Variants in TPRG1 observed in about 807,000 individuals in gnomAD.
TPRG1 encodes the protein tumor protein p63-regulated gene 1 protein.
Under a neutral mutation model 29.3 loss-of-function variants are expected in TPRG1, and 29 were observed. The observed-to-expected ratio is 0.99, with a 90% CI of 0.74 to 1.35. The LOEUF (loss-of-function observed/expected upper bound fraction) is 1.35. Among genes scored for constraint, TPRG1 ranks in the 40% most tolerant of loss-of-function variants. The pLI is 0.00. For synonymous variants in TPRG1, 130 were observed against 116.8 expected (o/e 1.11, Z -0.73); for missense variants, 327 against 335.0 (o/e 0.98, Z 0.19).
chr3:189,104,495 A>C (rs1010970410), intron 1 of TPRG1, among the ~76,000 whole-genome samples: 1 of 152,126 alleles, frequency 6.6e-6, no homozygotes, highest in Non-Finnish European at 1.5e-5. Flanking sequence ...TTAAGTCAAC[A>C]TAAATATTAG....
chr3:189,187,125 C>CA (rs1731040608), intron 1 of TPRG1, among the ~76,000 whole-genome samples: 1 of 150,166 alleles, frequency 6.7e-6, no homozygotes, highest in Non-Finnish European at 1.5e-5. Context: ...TAGCTGGGAT[C>CA]ACAGATTCGC....
intron 4 of TPRG1, among the ~76,000 whole-genome samples, chr3:189,091,400 C>G (rs1296290418): frequency 6.6e-6 from 1 of 152,032 alleles, no homozygotes. Context: ...CACTTAATTA[C>G]CACCACAATT....
At chr3:189,309,704 C>T (rs1722177684) in intron 4 of TPRG1, among the ~76,000 whole-genome samples, 1 of 152,178 alleles carries the variant, frequency 6.6e-6, no homozygotes, top group Non-Finnish European at 1.5e-5. Flanking sequence ...TTAGGTTTAC[C>T]AAATGACCAG....
chr3:189,019,370 G>C (rs1023110842), intron 3 of TPRG1, among the ~76,000 whole-genome samples: 1 of 152,190 alleles, frequency 6.6e-6, no homozygotes, highest in African/African-American at 2.4e-5. Context: ...CCGTGGGTTT[G>C]TCGTAGATAG....
intron 4 of TPRG1, among the ~76,000 whole-genome samples, chr3:189,032,772 A>G (rs1427423710): frequency 9.6e-6 from 1 of 104,290 alleles, no homozygotes; most frequent in Non-Finnish European, 1.8e-5. Flanking sequence ...AACAGTCCCC[A>G]GAGTGTGATG....
chr3:189,206,012 T>TTTCCTTCCTTCCTTCTTTCCTTCCTTCC, intron 1 of TPRG1, among the ~76,000 whole-genome samples: 2 of 125,740 alleles, frequency 1.6e-5, no homozygotes, highest in South Asian at 6.0e-4. Flanking sequence ...TGCAGGTACA[T>TTTCCTTCCTTCCTTCTTTCCTTCCTTCC]TTCCTTCCTT....
rs756043773 is a variant in TPRG1, at chr3:189,215,369, C to A, written c.288C>A (p.Phe96Leu). Residue 96 changes from phenylalanine to leucine, a missense_variant, in exon 3 of 6, where the codon TTC becomes TTA. By Grantham distance (22) the Phe-to-Leu change is conservative. Coordinates refer to ENST00000345063, the MANE Select transcript of TPRG1 (RefSeq NM_198485.4). The part of the protein sequence containing the change: ...AETSGETIQG[F>L]WLLTKIDHWN... Reference sequence around the variant, plus strand: ...CTTCTGGAGAGACCATTCAAGGCTTCTGGCTCTTGACAAAGTGAGTAGTCA... The same window carrying A: ...CTTCTGGAGAGACCATTCAAGGCTTATGGCTCTTGACAAAGTGAGTAGTCA... 1 of 1,611,610 alleles carries A rather than the reference C, an allele frequency of 6.2e-7. No homozygotes were observed. Among genetic ancestry groups the A allele is most frequent in the Non-Finnish European group, 8.5e-7 (1 of 1,179,018 alleles).
At chr3:189,291,700 C>A (rs1182103841) in intron 4 of TPRG1, among the ~76,000 whole-genome samples, 4 of 152,174 alleles carry the variant, frequency 2.6e-5, no homozygotes, top group African/African-American at 9.7e-5. Flanking sequence ...AGTGATCTTG[C>A]CAACTATGTT....
Position 189,207,477 on chromosome 3 carries a change from G to A in TPRG1, c.93G>A (p.Met31Ile), listed in dbSNP as rs1734574230. ...CCTCTGAGACTGACCACCTATCGAT[G>A]GAGGAAGAGGACCCGATGCCAAGAC... ...DQPSETDHLSMEEEDPMPRQI... is the reference protein window; with the variant it reads ...DQPSETDHLSIEEEDPMPRQI... The change falls in exon 2 of 6, where the codon ATG becomes ATA. Residue 31 changes from methionine (M) to isoleucine (I), a missense_variant. Physicochemically the swap from Met to Ile is conservative, Grantham distance 10 (BLOSUM62 1). Coordinates refer to ENST00000345063, the MANE Select transcript of TPRG1 (RefSeq NM_198485.4). 6.2e-7 allele frequency: 1 copy of A among 1,613,908 alleles called. No homozygotes were observed.
chr3:189,140,397 G>A (rs1484008190), intron 3 of TPRG1, among the ~76,000 whole-genome samples: 8 of 152,228 alleles, frequency 5.3e-5, no homozygotes, highest in African/African-American at 1.9e-4. Flanking sequence ...TGGACGAAGT[G>A]TACCCTCACA....
chr3:189,223,363 A>G (rs114558792), intron 3 of TPRG1, among the ~76,000 whole-genome samples: 1,966 of 152,326 alleles, frequency 0.013, 42 homozygotes, highest in African/African-American at 0.045. Context: ...TCAAGATGTT[A>G]ATGACCTGTG....
chr3:189,059,501 A>G (rs975542429), intron 4 of TPRG1, among the ~76,000 whole-genome samples: 3 of 152,254 alleles, frequency 2.0e-5, no homozygotes, highest in Non-Finnish European at 4.4e-5. Context: ...CTGAGGCAAG[A>G]GAACCGCTTG....
chr3:189,293,976 C>T (rs1719448729), intron 4 of TPRG1, among the ~76,000 whole-genome samples: 1 of 152,208 alleles, frequency 6.6e-6, no homozygotes, highest in African/African-American at 2.4e-5. Flanking sequence ...CTTCTACTAC[C>T]TGTCTGCAAT....
intron 5 of TPRG1, among the ~76,000 whole-genome samples, chr3:189,318,678 T>G (rs1406500020): frequency 6.6e-6 from 1 of 152,138 alleles, no homozygotes; most frequent in Non-Finnish European, 1.5e-5. Flanking sequence ...CCTCGAAGCC[T>G]CAGGTACCTG....
At chr3:188,998,683 G>C (rs1257527407) in intron 1 of TPRG1, among the ~76,000 whole-genome samples, 1 of 152,190 alleles carries the variant, frequency 6.6e-6, no homozygotes, top group African/African-American at 2.4e-5. Context: ...AACATGGATG[G>C]AACTGGAGTT....
intron 3 of TPRG1, among the ~76,000 whole-genome samples, chr3:189,227,847 C>T (rs934276757): frequency 1.3e-5 from 2 of 152,198 alleles, no homozygotes; most frequent in Admixed American, 1.3e-4. Context: ...TCTGGCCAGG[C>T]ACAGTGGCTC....
intron 4 of TPRG1, among the ~76,000 whole-genome samples, chr3:189,087,732 C>G (rs889763109): frequency 6.6e-6 from 1 of 152,188 alleles, no homozygotes; most frequent in East Asian, 1.9e-4. Context: ...GATGTCTAGC[C>G]AGTTTTCCCA....
chr3:189,193,773 A>G (rs1305717028), intron 1 of TPRG1, among the ~76,000 whole-genome samples: 3 of 150,764 alleles, frequency 2.0e-5, no homozygotes, highest in Admixed American at 1.3e-4. Flanking sequence ...TATGTCTACT[A>G]TCTCTGTGCA....
chr3:189,303,273 G>A (rs1163840803), intron 4 of TPRG1, among the ~76,000 whole-genome samples: 1 of 152,126 alleles, frequency 6.6e-6, no homozygotes. Context: ...AAGAAAATAA[G>A]TATGTAAGTT....
Sources: allele counts gnomAD v4.1 joint callset (sites outside exome capture counted in the v4.1 genomes callset), GRCh38; gene constraint gnomAD v4.1.1; transcripts MANE v1.5; gene names NCBI Gene and HGNC (gene_info 2026-07-23, HGNC 2026-07-21).